The following THRAP3 variants were observed in gnomAD, a reference collection of about 807,000 sequenced individuals.
THRAP3 encodes the protein thyroid hormone receptor associated protein 3.
A neutral mutation model predicts 101.0 loss-of-function variants in THRAP3; 16 were observed. The ratio of observed to expected loss-of-function variants is 0.16; its 90% confidence interval spans 0.11 to 0.24. THRAP3 has a LOEUF of 0.24. Among genes scored for constraint, THRAP3 ranks in the 10% least tolerant of loss-of-function variants. The probability of loss-of-function intolerance (pLI) is 1.00; values close to 1 mark genes in which losing one functional copy is unlikely to be tolerated. For synonymous variants in THRAP3, 407 were observed against 422.6 expected, an observed-to-expected ratio of 0.96 and a Z score of 0.45; for missense variants, 989 against 1,202.7, an observed-to-expected ratio of 0.82 and a Z score of 2.63.
chr1:36,228,794 A>G (rs1174122505), intron 1 of THRAP3, among the ~76,000 whole-genome samples: 1 of 152,234 alleles, frequency 6.6e-6, no homozygotes, highest in African/African-American at 2.4e-5. Context: ...GAGTTTCAAA[A>G]AAGTTAAGAA....
At chr1:36,264,949 G>T (rs183084253) in intron 2 of THRAP3, among the ~76,000 whole-genome samples, 103 of 152,212 alleles carry the variant, frequency 6.8e-4, no homozygotes, top group Non-Finnish European at 1.2e-3. Flanking sequence ...CATGACAGAA[G>T]GATCTGTTCC....
chr1:36,212,045 T>C, the THRAP3 span, among the ~76,000 whole-genome samples: 3 of 152,212 alleles, frequency 2.0e-5, no homozygotes, highest in Non-Finnish European at 2.9e-5. Flanking sequence ...GTGCTGCTAA[T>C]GTCAGGCGTG....
At chr1:36,226,149 G>C (rs1239257679) in intron 1 of THRAP3, among the ~76,000 whole-genome samples, 1 of 152,172 alleles carries the variant, frequency 6.6e-6, no homozygotes, top group Non-Finnish European at 1.5e-5. Flanking sequence ...TACAAAAAGA[G>C]TGATCTATTT....
chr1:36,276,417 G>A (rs371956780), intron 2 of THRAP3, among the ~76,000 whole-genome samples: 1 of 151,852 alleles, frequency 6.6e-6, no homozygotes, highest in Non-Finnish European at 1.5e-5. Context: ...CCAGCTACTC[G>A]GGAGGCTGAG....
At chr1:36,299,235 T>C (rs1645998769) in intron 9 of THRAP3, among the ~76,000 whole-genome samples, 1 of 151,926 alleles carries the variant, frequency 6.6e-6, no homozygotes, top group African/African-American at 2.4e-5. Flanking sequence ...GGTCAGAAGA[T>C]TGAGACCATC....
chr1:36,238,790 C>A (rs944300624), intron 1 of THRAP3, among the ~76,000 whole-genome samples: 8 of 151,982 alleles, frequency 5.3e-5, no homozygotes, highest in Admixed American at 3.3e-4. Flanking sequence ...ACTACTGCCC[C>A]TCAAACTCCT....
intron 1 of THRAP3, among the ~76,000 whole-genome samples, chr1:36,230,515 G>T (rs979560326): frequency 6.6e-6 from 1 of 151,892 alleles, no homozygotes; most frequent in African/African-American, 2.4e-5. Flanking sequence ...CACCTGCCTC[G>T]TCCTCCCAAA....
chr1:36,214,038 GAAAGAAAGA>G, the THRAP3 span, among the ~76,000 whole-genome samples: 1 of 145,760 alleles, frequency 6.9e-6, no homozygotes, highest in Non-Finnish European at 1.5e-5. Context: ...AAGAAAGAAA[GAAAGAAAGA>G]AAGAAAGAAA....
chr1:36,288,096 G>A, intron 4 of THRAP3: 1 of 984,782 alleles, frequency 1.0e-6, no homozygotes, highest in Non-Finnish European at 1.2e-6. Context: ...TGCATTAATG[G>A]TACAGATGAG....
At chr1:36,229,012 AGG>A (rs1408339137) in intron 1 of THRAP3, among the ~76,000 whole-genome samples, 1 of 152,158 alleles carries the variant, frequency 6.6e-6, no homozygotes, top group African/African-American at 2.4e-5. Flanking sequence ...AGGAAGAAAA[AGG>A]TAATTGCTCA....
intron 1 of THRAP3, among the ~76,000 whole-genome samples, chr1:36,246,820 C>T (rs1207699762): frequency 4.0e-5 from 6 of 151,238 alleles, no homozygotes; most frequent in African/African-American, 7.3e-5. Flanking sequence ...CCAGCCTGGG[C>T]GACAGAGTGA....
chr1:36,284,682 G>T (rs951560425), intron 3 of THRAP3, among the ~76,000 whole-genome samples: 1 of 152,184 alleles, frequency 6.6e-6, no homozygotes, highest in Non-Finnish European at 1.5e-5. Context: ...TCATTTTCCT[G>T]CATCTGTGCA....
chr1:36,290,839 A>G (rs1645858445), intron 5 of THRAP3, among the ~76,000 whole-genome samples: 1 of 152,200 alleles, frequency 6.6e-6, no homozygotes, highest in African/African-American at 2.4e-5. Flanking sequence ...TGGGAGGCCA[A>G]GGCTGACTGG....
Position 36,287,036 on chromosome 1 carries a change from C to A in THRAP3, c.806C>A (p.Pro269His), listed in dbSNP as rs1570328978. ...AGGCGGCGGTCACCCCGTCCTAGCC[C>A]CGTGCCAAAACCTAGTCCTCCACTT... ...VVRRRSPRPSPVPKPSPPLSS... is the reference protein window; with the variant it reads ...VVRRRSPRPSHVPKPSPPLSS... The change falls in exon 4 of 12, where the codon CCC (proline) becomes CAC (histidine). Residue 269 changes from proline to histidine, a missense_variant. Transcript: ENST00000354618. 1 of 1,613,678 alleles carries A rather than the reference C, an allele frequency of 6.2e-7. No individual in the cohort carries two copies. Among genetic ancestry groups the A allele is most frequent in the African/African-American group, 1.3e-5 (1 of 74,912 alleles).
chr1:36,248,059 T>C (rs1174767112), intron 1 of THRAP3, among the ~76,000 whole-genome samples: 1 of 151,936 alleles, frequency 6.6e-6, no homozygotes, highest in Non-Finnish European at 1.5e-5. Flanking sequence ...GTTGTATTTT[T>C]AGTAGAGACA....
In THRAP3 at chr1:36,289,078, G is replaced by A. The variant is rs1318417046; in HGVS notation, c.1059G>A (p.Lys353=). 1 of 1,591,136 alleles carries A rather than the reference G, an allele frequency of 6.3e-7. No homozygotes were observed. The highest frequency in any genetic ancestry group is 8.5e-7 in the Non-Finnish European group (1 of 1,172,040). ...AYTKRYLEEQ[K]TENGKDKEQK... ...TAAATAGGTATCTAGAAGAGCAGAA[G>A]ACAGAGAATGGAAAAGATAAGGAAC... Residue 353 remains lysine, a synonymous_variant, in exon 5 of 12, where the codon AAG becomes AAA. Transcript: ENST00000354618.
rs1645913076 is a variant in THRAP3 at position 36,293,880 on chromosome 1, G to A, written c.2060G>A (p.Arg687Lys). The change falls in exon 8 of 12, where the codon AGA becomes AAA. Residue 687 changes from arginine (R) to lysine (K), a missense_variant. Transcript: ENST00000354618. The part of the protein sequence containing the change: ...RRIDISPSTF[R>K]KHGLAHDEMK... ...ATAGACATTTCCCCCAGTACATTCA[G>A]AAAACATGGTTTGGCTCATGATGAA... is the stretch of plus-strand genomic sequence containing the variant. 2 of 1,613,496 alleles carry A rather than the reference G, an allele frequency of 1.2e-6. No individual in the cohort carries two copies. Among genetic ancestry groups the A allele is most frequent in the African/African-American group, 2.7e-5 (2 of 74,874 alleles).
chr1:36,288,687 A>C, intron 4 of THRAP3: 1 of 985,462 alleles, frequency 1.0e-6, no homozygotes, highest in Non-Finnish European at 1.2e-6. Context: ...CTGAAAGCAG[A>C]TTTTAAGTGA....
At chr1:36,216,158 T>C in the THRAP3 span, among the ~76,000 whole-genome samples, 1 of 152,092 alleles carries the variant, frequency 6.6e-6, no homozygotes, top group Non-Finnish European at 1.5e-5. Flanking sequence ...GCAGGAGGAT[T>C]GCTTTAGCCC....
Sources: allele counts gnomAD v4.1 joint callset (sites outside exome capture counted in the v4.1 genomes callset), GRCh38; gene constraint gnomAD v4.1.1; transcripts MANE v1.5; gene names NCBI Gene and HGNC (gene_info 2026-07-23, HGNC 2026-07-21).